The following PNLDC1 variants were observed in gnomAD, a reference collection of about 807,000 sequenced individuals.
The protein encoded by PNLDC1 is PARN like ribonuclease domain containing exonuclease 1.
PNLDC1 carries 70 observed loss-of-function variants against 82.0 expected under a neutral mutation model. The observed-to-expected ratio is 0.85, with a 90% CI of 0.70 to 1.04. The LOEUF (loss-of-function observed/expected upper bound fraction) is 1.04, where lower values mean the gene tolerates loss of function less well. Ranked by LOEUF, PNLDC1 falls within the 50% of genes least tolerant of loss-of-function variation. The pLI, the probability that PNLDC1 is intolerant of heterozygous loss-of-function variation, is 0.00. For synonymous variants in PNLDC1, 280 were observed against 249.3 expected (o/e 1.12, Z -1.16); for missense variants, 631 against 661.1 (o/e 0.95, Z 0.50).
chr6:159,804,634 G>A lies in PNLDC1; in HGVS notation c.458G>A (p.Arg153His), dbSNP rs372031816. ...HDILTGNWRV[R>H]SSPDKDQIKV... ...ATCCTGACTGGGAACTGGAGAGTTC[G>A]CAGGTATGGCCTGTTTCTCCAGGTG... The change falls in exon 6 of 19, where the codon CGC (arginine) becomes CAC (histidine). Residue 153 changes from arginine (R) to histidine (H), a missense_variant. Coordinates refer to ENST00000392167, the MANE Select transcript of PNLDC1 (RefSeq NM_001271862.2). 48 of 1,598,098 alleles carry A rather than the reference G, an allele frequency of 3.0e-5. No individual in the cohort carries two copies. The African/African-American group carries it at 4.8e-4, about 16-fold the overall frequency.
upstream of PNLDC1, among the ~76,000 whole-genome samples, chr6:159,799,519 CTT>C (rs1286640982): frequency 6.6e-6 from 1 of 152,144 alleles, no homozygotes; most frequent in African/African-American, 2.4e-5. Flanking sequence ...GAGCACCTCA[CTT>C]TGAGGACCAT....
intron 10 of PNLDC1, 56 bp downstream of exon 10, chr6:159,810,151 G>T: frequency 6.7e-7 from 1 of 1,485,472 alleles, no homozygotes; most frequent in Non-Finnish European, 9.4e-7. Context: ...TCTGGCAGAG[G>T]GATTGGTACA....
upstream of PNLDC1, chr6:159,800,244 AGC>A: frequency 6.9e-7 from 1 of 1,454,094 alleles, no homozygotes. Flanking sequence ...GCGCGACGGA[AGC>A]GCGTGGGCAG....
At chr6:159,799,925 C>T (rs368177025), upstream of PNLDC1, among the ~76,000 whole-genome samples, 1 of 152,154 alleles carries the variant, frequency 6.6e-6, no homozygotes. Context: ...ATTGCAGTTG[C>T]GTCCGGTGTT....
chr6:159,800,688 C>G (rs764786242), intron 1 of PNLDC1, 84 bp from the exon 2 acceptor site: 1 of 1,613,988 alleles, frequency 6.2e-7, no homozygotes, highest in Non-Finnish European at 8.5e-7. Flanking sequence ...AGCGCGGGTG[C>G]CTTGGCCGCC....
At chr6:159,818,449 G>A (rs888245652) in intron 15 of PNLDC1, 106 bp from the exon 16 acceptor site, 19 of 1,005,204 alleles carry the variant, frequency 1.9e-5, no homozygotes, top group East Asian at 4.8e-5. Flanking sequence ...AGGGAGAGCC[G>A]TCCGAGGGAG....
In PNLDC1 at chr6:159,804,778, G is replaced by C. The variant is rs1781388790; in HGVS notation, c.461+141G>C. On this transcript the variant is annotated intron_variant, in intron 6 of 18. Coordinates refer to ENST00000392167, the MANE Select transcript of PNLDC1 (RefSeq NM_001271862.2). Reference sequence around the variant, plus strand: ...ATGGCTTCAGCTGCCTGTGCAGCTGGCGCTGCTCTCCCTGTGCCCCAACTG... The same window carrying C: ...ATGGCTTCAGCTGCCTGTGCAGCTGCCGCTGCTCTCCCTGTGCCCCAACTG... 1.8e-5 allele frequency: 11 copies of C among 615,902 alleles called. No individual in the cohort carries two copies. The South Asian group carries it at 2.4e-4, about 13-fold the overall frequency. The allele number at this position is 615,902 out of a possible 1,614,324, so 38.2% of individuals were successfully genotyped here.
At chr6:159,807,456 A>G (rs1214142113) in intron 7 of PNLDC1, among the ~76,000 whole-genome samples, 1 of 152,182 alleles carries the variant, frequency 6.6e-6, no homozygotes, top group Non-Finnish European at 1.5e-5. Flanking sequence ...TAGTGATAAA[A>G]TTACAGCTTT....
intron 8 of PNLDC1, 40 bp downstream of exon 8, chr6:159,808,856 G>T (rs370837129): frequency 1.9e-6 from 3 of 1,609,066 alleles, no homozygotes; most frequent in Non-Finnish European, 2.6e-6. Flanking sequence ...TGGCTCCATT[G>T]TTTCTCTCTC....
chr6:159,810,299 G>A (rs1407877727), intron 10 of PNLDC1, among the ~76,000 whole-genome samples: 2 of 152,118 alleles, frequency 1.3e-5, no homozygotes, highest in African/African-American at 2.4e-5. Flanking sequence ...CTTTGTCAAG[G>A]GGGAAAAAAT....
Position 159,809,171 on chromosome 6 carries a change from GTC to G in PNLDC1, c.783+17_783+18del. The G allele has an allele frequency of 6.2e-7, 1 of 1,613,102 alleles. No individual in the cohort carries two copies. The highest frequency in any genetic ancestry group is 8.5e-7 in the Non-Finnish European group (1 of 1,179,812). ...GAAAGCCCAGAAGGTAGGAAAACAT[GTC>G]TCTTTTCTTGGCCTAAAGGCAGTCT... On this transcript the variant is annotated intron_variant, in intron 9 of 18. Transcript: ENST00000392167.
At chr6:159,800,247 G>GCGTGGGCAGCA (rs59445673), upstream of PNLDC1, 43 of 1,485,382 alleles carry the variant, frequency 2.9e-5, no homozygotes, top group Middle Eastern at 7.1e-4. Context: ...CGACGGAAGC[G>GCGTGGGCAGCA]CGTGGGCAGC....
At chr6:159,810,162 C>A in intron 10 of PNLDC1, 67 bp downstream of exon 10, 1 of 1,418,270 alleles carries the variant, frequency 7.1e-7, no homozygotes, top group South Asian at 1.2e-5. Flanking sequence ...GATTGGTACA[C>A]AATCATACCC....
intron 15 of PNLDC1, among the ~76,000 whole-genome samples, chr6:159,818,023 C>T (rs1781893734): frequency 6.6e-6 from 1 of 152,194 alleles, no homozygotes; most frequent in Admixed American, 6.5e-5. Flanking sequence ...GGTGGGGCAC[C>T]TCAGTGCCTG....
rs1384537339 is a variant in PNLDC1 at position 159,800,816 on chromosome 6, C to A, written c.121C>A (p.Pro41Thr). ...FTGLRSNLSG[P>T]QQISLFDLPS... Reference sequence around the variant, plus strand: ...GGGCCTTCGTTCTAACCTGTCTGGGCCCCAGCAGATCAGGTAAAACTAAAG... The same window carrying A: ...GGGCCTTCGTTCTAACCTGTCTGGGACCCAGCAGATCAGGTAAAACTAAAG... Residue 41 changes from proline (P) to threonine (T), a missense_variant, in exon 2 of 19, where the codon CCC becomes ACC. Pro to Thr is a conservative substitution (Grantham distance 38). Coordinates refer to ENST00000392167, the MANE Select transcript of PNLDC1 (RefSeq NM_001271862.2). The A allele has an allele frequency of 6.2e-7, 1 of 1,614,142 alleles. No homozygotes were observed. Among genetic ancestry groups the A allele is most frequent in the Non-Finnish European group, 8.5e-7 (1 of 1,180,024 alleles).
Position 159,818,960 on chromosome 6 carries a change from A to G in PNLDC1, c.1272A>G (p.Pro424=). The stretch of plus-strand genomic sequence containing the variant: ...ATGTTTTCTAGAATTTTTCTGGTCC[A>G]GATTATCCCAGTATCCGACCTCCCA... The part of the protein sequence containing the change: ...AGVPKINFSG[P]DYPSIRPPIL... Residue 424 remains proline, a synonymous_variant, in exon 17 of 19, where the codon CCA becomes CCG. Transcript: ENST00000392167. The G allele has an allele frequency of 1.2e-6, 2 of 1,613,898 alleles. No individual in the cohort carries two copies. Among genetic ancestry groups the G allele is most frequent in the South Asian group, 1.1e-5 (1 of 91,052 alleles).
At chr6:159,817,225 A>G in intron 15 of PNLDC1, 74 bp downstream of exon 15, 1 of 1,312,634 alleles carries the variant, frequency 7.6e-7, no homozygotes, top group East Asian at 2.3e-5. Context: ...GGAAGCCAAC[A>G]CCTCTCCAGT....
chr6:159,816,528 T>C lies in PNLDC1; in HGVS notation c.1061-15T>C. The C allele has an allele frequency of 1.2e-6, 2 of 1,612,972 alleles. No homozygotes were observed. The highest frequency in any genetic ancestry group is 8.5e-7 in the Non-Finnish European group (1 of 1,179,328). On this transcript the variant is annotated splice_polypyrimidine_tract_variant and intron_variant, in intron 13 of 18. Transcript: ENST00000392167. The stretch of plus-strand genomic sequence containing the variant: ...ACTGCTCAATTCTCTGTCCTCCTGG[T>C]GGAAAATGCCTCAGTTGAGACAAAG...
chr6:159,818,980 C>G lies in PNLDC1; in HGVS notation c.1292C>G (p.Pro431Arg). ...GGTCCAGATTATCCCAGTATCCGACCTCCCATCCTCATCCTCAGCGTCAAA... is the reference window on the plus strand; with the variant it reads ...GGTCCAGATTATCCCAGTATCCGACGTCCCATCCTCATCCTCAGCGTCAAA... ...FSGPDYPSIR[P>R]PILILSVKRW... Residue 431 changes from proline (P) to arginine (R), a missense_variant, in exon 17 of 19, where the codon CCT (proline) becomes CGT (arginine). Pro to Arg is a moderately radical substitution (Grantham distance 103, BLOSUM62 -2). Coordinates refer to ENST00000392167, the MANE Select transcript of PNLDC1 (RefSeq NM_001271862.2). 1 of 1,614,016 alleles carries G rather than the reference C, an allele frequency of 6.2e-7. No homozygotes were observed. The highest frequency in any genetic ancestry group is 8.5e-7 in the Non-Finnish European group (1 of 1,180,010).
Sources: gnomAD v4.1 joint callset for allele counts (sites outside exome capture counted in the v4.1 genomes callset) on GRCh38, gnomAD v4.1.1 for gene constraint, MANE v1.5 for transcripts, NCBI Gene and HGNC (gene_info 2026-07-23, HGNC 2026-07-21) for gene names.